Variants in ANKFY1 observed in about 807,000 individuals in gnomAD.
ANKFY1 encodes ankyrin repeat and FYVE domain containing 1.
A neutral mutation model predicts 128.3 loss-of-function variants in ANKFY1; 47 were observed. That is an observed-to-expected ratio of 0.37 (90% confidence interval 0.29 to 0.47). The LOEUF (loss-of-function observed/expected upper bound fraction) is 0.47, where lower values mean the gene tolerates loss of function less well. Among genes scored for constraint, ANKFY1 ranks in the 20% least tolerant of loss-of-function variants. The pLI, the probability that ANKFY1 is intolerant of heterozygous loss-of-function variation, is 1.00. For synonymous variants in ANKFY1, 553 were observed against 601.6 expected (o/e 0.92, Z 1.18); for missense variants, 1,222 against 1,510.6 (o/e 0.81, Z 3.17).
chr17:4,172,883 G>A (rs2059346528), intron 21 of ANKFY1, among the ~76,000 whole-genome samples: 1 of 152,256 alleles, frequency 6.6e-6, no homozygotes, highest in African/African-American at 2.4e-5. Flanking sequence ...TTTTTGAGAC[G>A]GAGTCTCGCT....
At chr17:4,180,231 C>T (rs1049185826) in intron 16 of ANKFY1, 22 of 190,508 alleles carry the variant, frequency 1.2e-4, no homozygotes, top group African/African-American at 4.2e-4. Flanking sequence ...AGTCCACGAC[C>T]AGCCTGGCCA....
intron 16 of ANKFY1, chr17:4,180,962 TCA>T (rs1009730419): frequency 1.9e-5 from 6 of 310,928 alleles, no homozygotes; most frequent in Non-Finnish European, 3.7e-5. Context: ...GCCTCCTGCT[TCA>T]CAGTCTGAAC....
At chr17:4,194,454 CCA>C in intron 10 of ANKFY1, 1 of 128,330 alleles carries the variant, frequency 7.8e-6, no homozygotes, top group Non-Finnish European at 1.6e-5. Flanking sequence ...GTTTTAATAT[CCA>C]TCTTTTTTTT....
chr17:4,207,529 C>T (rs61496345), intron 6 of ANKFY1, among the ~76,000 whole-genome samples: 139,980 of 152,226 alleles, frequency 0.92, 65,527 homozygotes, highest in East Asian at 1. Flanking sequence ...TGCCGACATC[C>T]TGATTTTGGG....
chr17:4,228,380 A>G (rs1379642050), intron 3 of ANKFY1, among the ~76,000 whole-genome samples: 1 of 151,996 alleles, frequency 6.6e-6, no homozygotes, highest in Non-Finnish European at 1.5e-5. Context: ...GCAAAGAGAC[A>G]TGAGGAAAGC....
intron 1 of ANKFY1, chr17:4,263,462 G>GCC: frequency 2.5e-6 from 3 of 1,213,702 alleles, no homozygotes; most frequent in Non-Finnish European, 2.2e-6. Flanking sequence ...CTGCTGCCTC[G>GCC]CCCCCACCCC....
intron 11 of ANKFY1, chr17:4,188,493 GAATT>G (rs1386115272): frequency 7.2e-5 from 11 of 152,192 alleles, no homozygotes; most frequent in African/African-American, 2.6e-4. Context: ...CCAAAATAGA[GAATT>G]GATTGATGTG....
intron 4 of ANKFY1, among the ~76,000 whole-genome samples, chr17:4,214,832 T>C (rs2143020595): frequency 6.6e-6 from 1 of 152,300 alleles, no homozygotes; most frequent in South Asian, 2.1e-4. Flanking sequence ...AAAAAAAAAT[T>C]ATTGAAAAGA....
intron 3 of ANKFY1, chr17:4,223,788 A>G: frequency 6.6e-7 from 1 of 1,511,164 alleles, no homozygotes; most frequent in South Asian, 1.1e-5. Context: ...CAGCTGGTAC[A>G]GTGTCTCACA....
chr17:4,182,498 G>A, intron 14 of ANKFY1, 149 bp from the exon 15 acceptor site: 2 of 598,924 alleles, frequency 3.3e-6, no homozygotes. Context: ...AATTAAATGT[G>A]AAAATAGTGT....
intron 18 of ANKFY1, among the ~76,000 whole-genome samples, chr17:4,177,668 G>A (rs2059432882): frequency 6.6e-6 from 1 of 152,242 alleles, no homozygotes; most frequent in South Asian, 2.1e-4. Context: ...ATGGAGACAA[G>A]CCTTGGGAGT....
At chr17:4,192,191 G>C (rs1372426022) in intron 10 of ANKFY1, among the ~76,000 whole-genome samples, 2 of 149,666 alleles carry the variant, frequency 1.3e-5, no homozygotes, top group African/African-American at 5.0e-5. Flanking sequence ...TGGTTAATCT[G>C]GAGACTCCTA....
At chr17:4,208,625 C>T (rs528315742) in intron 5 of ANKFY1, among the ~76,000 whole-genome samples, 30 of 152,340 alleles carry the variant, frequency 2.0e-4, no homozygotes, top group South Asian at 1.4e-3. Flanking sequence ...GCCTTAAAAT[C>T]CAGTTCTTTA....
At chr17:4,237,401 G>A (rs1362048019) in intron 2 of ANKFY1, among the ~76,000 whole-genome samples, 1 of 152,148 alleles carries the variant, frequency 6.6e-6, no homozygotes, top group Non-Finnish European at 1.5e-5. Flanking sequence ...AATACTCTAT[G>A]CAAAACAGAA....
At chr17:4,214,157 C>T (rs939736048) in intron 4 of ANKFY1, among the ~76,000 whole-genome samples, 2 of 152,216 alleles carry the variant, frequency 1.3e-5, no homozygotes, top group African/African-American at 4.8e-5. Context: ...AGCACCTTTA[C>T]AGCATTTGCT....
rs192391012 is a variant in ANKFY1, at chr17:4,204,854, G to A, written c.898+1467C>T. Among the ~76,000 whole-genome samples the A allele has an allele frequency of 1.6e-3, 251 of 152,230 alleles. 1 individual carries two copies. Among genetic ancestry groups the A allele is most frequent in the African/African-American group, 5.3e-3 (222 of 41,512 alleles). On this transcript the variant is annotated intron_variant, in intron 7 of 24. Transcript: ENST00000341657. The stretch of plus-strand genomic sequence containing the variant: ...CCGCTGGCTTTGCACAGCACATAAC[G>A]GTGCTTGAGGAAGATGCATCTGCTC...
chr17:4,210,465 T>C (rs74900424), intron 4 of ANKFY1, among the ~76,000 whole-genome samples: 13,692 of 152,144 alleles, frequency 0.09, 1,427 homozygotes, highest in East Asian at 0.53. Flanking sequence ...TCCCAGCGCT[T>C]TGGGAGGCCG....
intron 3 of ANKFY1, chr17:4,223,471 C>T (rs887178698): frequency 5.9e-6 from 7 of 1,177,116 alleles, no homozygotes; most frequent in Non-Finnish European, 9.0e-6. Flanking sequence ...AGATCACAGA[C>T]AATGCCGTCT....
At chr17:4,222,331 T>G (rs1461883405) in intron 3 of ANKFY1, 3 of 744,904 alleles carry the variant, frequency 4.0e-6, no homozygotes, top group African/African-American at 3.5e-5. Flanking sequence ...AGAACTTTAT[T>G]ATGTGACAAA....
Sources: allele counts gnomAD v4.1 joint callset (sites outside exome capture counted in the v4.1 genomes callset), GRCh38; gene constraint gnomAD v4.1.1; transcripts MANE v1.5; gene names NCBI Gene and HGNC (gene_info 2026-07-23, HGNC 2026-07-21).